MED14: variants seen among roughly 807,000 people sequenced by gnomAD.
MED14 encodes mediator complex subunit 14.
Under a neutral mutation model 109.0 loss-of-function variants are expected in MED14, and 8 were observed. That is an observed-to-expected ratio of 0.07 (90% CI 0.04 to 0.13). The LOEUF is 0.13. Among genes scored for constraint, MED14 ranks in the 10% least tolerant of loss-of-function variants. The probability of loss-of-function intolerance (pLI) is 1.00; values close to 1 mark genes in which losing one functional copy is unlikely to be tolerated. For synonymous variants in MED14, 399 were observed against 408.7 expected, an observed-to-expected ratio of 0.98 and a Z score of 0.29; for missense variants, 711 against 1,142.4, an observed-to-expected ratio of 0.62 and a Z score of 5.44.
intron 12 of MED14, among the ~76,000 whole-genome samples, chrX:40,700,378 AAAAAAAAAAAAAAAT>A (rs1268628686): frequency 4.0e-5 from 4 of 99,439 alleles, no homozygotes; most frequent in Non-Finnish European, 8.1e-5. Flanking sequence ...AAAAAAAAAA[AAAAAAAAAAAAAAAT>A]TCATGCCCTG....
intron 9 of MED14, 112 bp downstream of exon 9, chrX:40,709,867 A>G (rs1245223394): frequency 2.2e-6 from 1 of 454,730 alleles, no homozygotes; most frequent in East Asian, 4.5e-5. Context: ...TAAGTTTCAT[A>G]AAAGGTTTTA....
intron 15 of MED14, among the ~76,000 whole-genome samples, chrX:40,689,194 T>A (rs1180793846): frequency 8.9e-6 from 1 of 112,337 alleles, no homozygotes; most frequent in Non-Finnish European, 1.9e-5. Context: ...TTCCCAGGTC[T>A]TGCATGACAG....
At chrX:40,730,493 G>A (rs994592868) in intron 1 of MED14, among the ~76,000 whole-genome samples, 2 of 111,277 alleles carry the variant, frequency 1.8e-5, no homozygotes, top group African/African-American at 6.5e-5. Context: ...AGAACGATGG[G>A]TATCTATAAG....
intron 18 of MED14, 62 bp from the exon 19 acceptor site, chrX:40,682,005 T>G: frequency 1.9e-6 from 1 of 535,893 alleles, no homozygotes; most frequent in Non-Finnish European, 2.9e-6. Context: ...AAATATAAAT[T>G]TGAGTAACAG....
At chrX:40,691,604 A>ATT (rs1491246911) in intron 15 of MED14, among the ~76,000 whole-genome samples, 4 of 166 alleles carry the variant, frequency 0.024, no homozygotes, top group Non-Finnish European at 0.048. Context: ...TTTTTCTTTT[A>ATT]ATCTTTTTTT....
Position 40,714,542 on chromosome X carries a change from T to G in MED14, c.517A>C (p.Ile173Leu). 8.3e-7 allele frequency: 1 copy of G among 1,211,165 alleles called. No individual in the cohort carries two copies. ...TGSYPRLPTC[I>L]RDKIIPPDPI... ...GGGGCAAGCAAAGAACTTACCCTAA[T>G]GCAGGTTGGCAGCCGTGGGTAAGAT... The change falls in exon 4 of 31, where the codon ATT becomes CTT. Residue 173 changes from isoleucine to leucine, a missense_variant. Ile to Leu is a conservative substitution (Grantham distance 5). This residue lies in a region of MED14 where 388 missense variants were observed against 517.3 expected (regional missense o/e 0.75). Coordinates refer to ENST00000324817, the MANE Select transcript of MED14 (RefSeq NM_004229.4).
intron 13 of MED14, among the ~76,000 whole-genome samples, chrX:40,694,179 A>G (rs946819716): frequency 9.9e-5 from 11 of 111,607 alleles, no homozygotes; most frequent in Non-Finnish European, 1.5e-4. Flanking sequence ...GATTACAGGC[A>G]TGAGCCACCG....
Position 40,651,554 on chromosome X carries a change from T to C in MED14, c.*252A>G, listed in dbSNP as rs766347793. ...AGTATAAAACAGAATATTAAATTTA[T>C]TACTGGCAAACGGACACTGATTTAT... is the stretch of plus-strand genomic sequence containing the variant. On this transcript the variant is annotated 3_prime_UTR_variant, in exon 31 of 31. Coordinates refer to ENST00000324817, the MANE Select transcript of MED14 (RefSeq NM_004229.4). 8 of 890,634 alleles carry C rather than the reference T, an allele frequency of 9.0e-6. No homozygotes were observed. The highest frequency in any genetic ancestry group is 5.6e-5 in the South Asian group (1 of 18,009). The allele number at this position is 890,634 out of a possible 1,213,427, so 73.4% of individuals were successfully genotyped here.
At chrX:40,723,570 G>A (rs1931792796) in intron 3 of MED14, among the ~76,000 whole-genome samples, 1 of 105,355 alleles carries the variant, frequency 9.5e-6, no homozygotes, top group South Asian at 4.3e-4. Flanking sequence ...GGAGGCTGAG[G>A]CAGTAGAATC....
intron 21 of MED14, among the ~76,000 whole-genome samples, chrX:40,678,313 A>G (rs1929983895): frequency 1.1e-5 from 1 of 92,094 alleles, no homozygotes; most frequent in African/African-American, 5.7e-5. Context: ...ACATACTAAA[A>G]GGAGTTACAT....
At chrX:40,658,716 A>G (rs1187903457) in intron 28 of MED14, among the ~76,000 whole-genome samples, 1 of 76,873 alleles carries the variant, frequency 1.3e-5, no homozygotes, top group Non-Finnish European at 2.6e-5. Context: ...AAAAAAAAAA[A>G]GCCAGGCGCG....
intron 10 of MED14, among the ~76,000 whole-genome samples, chrX:40,704,404 G>T (rs1367078585): frequency 9.0e-6 from 1 of 111,613 alleles, no homozygotes; most frequent in Non-Finnish European, 1.9e-5. Context: ...GAGGAGAATG[G>T]TGATGCAGGT....
intron 21 of MED14, among the ~76,000 whole-genome samples, chrX:40,677,567 A>G (rs978797098): frequency 8.9e-6 from 1 of 112,044 alleles, no homozygotes; most frequent in Non-Finnish European, 1.9e-5. Flanking sequence ...AACAAAAAAA[A>G]CCTTTTGAAA....
At chrX:40,734,299 T>C (rs1300486228) in intron 1 of MED14, among the ~76,000 whole-genome samples, 3 of 112,192 alleles carry the variant, frequency 2.7e-5, no homozygotes, top group African/African-American at 9.7e-5. Flanking sequence ...AAACTGAGAA[T>C]GACGTTTTAC....
chrX:40,709,878 G>A (rs758003114), intron 9 of MED14, 101 bp downstream of exon 9: 8 of 517,288 alleles, frequency 1.5e-5, no homozygotes, highest in South Asian at 4.1e-5. Context: ...AAAGGTTTTA[G>A]GAAGAATTAG....
Position 40,703,314 on chromosome X carries a change from T to C in MED14, c.1411+130A>G, listed in dbSNP as rs1181084492. 4 of 512,439 alleles carry C rather than the reference T, an allele frequency of 7.8e-6. No individual in the cohort carries two copies. The Admixed American group carries it at 1.7e-4, about 22-fold the overall frequency. The allele number at this position is 512,439 out of a possible 1,213,427, so 42.2% of individuals were successfully genotyped here. The stretch of plus-strand genomic sequence containing the variant: ...GAGGAACTGACATCAGTCAGAGTTA[T>C]GGTTTCCATACCCACTTTCAACACT... On this transcript the variant is annotated intron_variant, in intron 11 of 30. Transcript: ENST00000324817.
chrX:40,710,861 TAC>T (rs1218314419), intron 8 of MED14, among the ~76,000 whole-genome samples: 1 of 112,098 alleles, frequency 8.9e-6, no homozygotes, highest in African/African-American at 3.2e-5. Context: ...GCTATTGGTA[TAC>T]AGTCATTCCT....
chrX:40,735,374 C>A lies in MED14; in HGVS notation c.39G>T (p.Pro13=). The change falls in exon 1 of 31, where the codon CCG becomes CCT. Residue 13 remains proline, a synonymous_variant. Transcript: ENST00000324817. ...CGCTGCCCCCGCCGCCGCCTCCGGG[C>A]GGGACCAGCTGGTGGTTCTCCAGCT... ...PVQLENHQLV[P]PGGGGGGSGG... 1.9e-6 allele frequency: 2 copies of A among 1,067,101 alleles called. No individual in the cohort carries two copies. Among genetic ancestry groups the A allele is most frequent in the Non-Finnish European group, 2.4e-6 (2 of 829,479 alleles). 87.9% of individuals were successfully genotyped at this position (1,067,101 alleles called of 1,213,427 possible).
intron 12 of MED14, among the ~76,000 whole-genome samples, chrX:40,698,818 T>C (rs1930820228): frequency 8.9e-6 from 1 of 112,200 alleles, no homozygotes; most frequent in Non-Finnish European, 1.9e-5. Flanking sequence ...ACTGATGAGG[T>C]TGTAAAATGG....
Sources: gnomAD v4.1 joint callset for allele counts (sites outside exome capture counted in the v4.1 genomes callset) on GRCh38, gnomAD v4.1.1 for gene constraint, gnomAD v4.1.1 regional missense constraint, MANE v1.5 for transcripts, NCBI Gene and HGNC (gene_info 2026-07-23, HGNC 2026-07-21) for gene names.